SEL1L2: variants seen among roughly 807,000 people sequenced by gnomAD.
The protein encoded by SEL1L2 is protein sel-1 homolog 2.
In SEL1L2, 89 loss-of-function variants were observed where a neutral mutation model predicts 98.8. The observed-to-expected ratio is 0.90, with a 90% CI of 0.76 to 1.07. The LOEUF is 1.07. SEL1L2 is among the 50% of genes least tolerant of loss of function. The pLI is 0.00. For synonymous variants in SEL1L2, 262 were observed against 278.5 expected, an observed-to-expected ratio of 0.94 and a Z score of 0.59; for missense variants, 788 against 812.0, an observed-to-expected ratio of 0.97 and a Z score of 0.36.
intron 17 of SEL1L2, among the ~76,000 whole-genome samples, chr20:13,864,912 G>A (rs1021477425): frequency 6.6e-6 from 1 of 152,150 alleles, no homozygotes; most frequent in Non-Finnish European, 1.5e-5. Context: ...AACTGTTCTG[G>A]TGTCACGGAG....
chr20:13,907,559 A>G (rs920751427), intron 5 of SEL1L2, among the ~76,000 whole-genome samples: 1 of 152,168 alleles, frequency 6.6e-6, no homozygotes, highest in Non-Finnish European at 1.5e-5. Flanking sequence ...ATGGAGCAAG[A>G]TCCTATCTCA....
intron 3 of SEL1L2, among the ~76,000 whole-genome samples, chr20:13,926,228 T>C (rs566340408): frequency 6.6e-6 from 1 of 152,044 alleles, no homozygotes; most frequent in African/African-American, 2.4e-5. Flanking sequence ...GGCAGGAGAA[T>C]GGCGTGAACC....
intron 18 of SEL1L2, among the ~76,000 whole-genome samples, chr20:13,853,219 A>T (rs1304296164): frequency 6.6e-6 from 1 of 151,856 alleles, no homozygotes; most frequent in Non-Finnish European, 1.5e-5. Context: ...TTTTTTTGAA[A>T]ACAGGGTCTC....
Position 13,889,573 on chromosome 20 carries a change from C to T in SEL1L2, c.550-1061G>A, listed in dbSNP as rs533242451. ...TTGGGAGGCTGAGGTGGGTGGATCA[C>T]GAGGTCAGGAGATCGAGACCATCCT... On this transcript the variant is annotated intron_variant, in intron 5 of 19. Coordinates refer to ENST00000284951, the MANE Select transcript of SEL1L2 (RefSeq NM_025229.2). 9.8e-4 allele frequency among the ~76,000 whole-genome samples: 149 copies of T among 152,104 alleles called. No homozygotes were observed. In the Middle Eastern group the frequency reaches 0.014, roughly 14 times the overall value.
chr20:13,965,792 A>C (rs1244844824), intron 1 of SEL1L2, among the ~76,000 whole-genome samples: 1 of 151,984 alleles, frequency 6.6e-6, no homozygotes, highest in East Asian at 1.9e-4. Context: ...ATCTCTACTA[A>C]AAACACAAAA....
At chr20:13,916,720 C>T (rs1049169316) in intron 4 of SEL1L2, among the ~76,000 whole-genome samples, 10 of 152,072 alleles carry the variant, frequency 6.6e-5, no homozygotes, top group Admixed American at 2.0e-4. Flanking sequence ...GCAGGAGAAT[C>T]GCTTGAACTG....
At chr20:13,957,365 G>A (rs970333049) in intron 1 of SEL1L2, among the ~76,000 whole-genome samples, 1 of 152,186 alleles carries the variant, frequency 6.6e-6, no homozygotes, top group Non-Finnish European at 1.5e-5. Flanking sequence ...GCCTCCCAAA[G>A]TGCTGGGATT....
upstream of SEL1L2, chr20:13,990,757 G>T: frequency 1.9e-6 from 1 of 513,190 alleles, no homozygotes; most frequent in Non-Finnish European, 3.4e-6. Flanking sequence ...TATTCCTCTG[G>T]CTGAAGATAA....
chr20:13,859,036 C>G (rs1288561941), intron 18 of SEL1L2, among the ~76,000 whole-genome samples: 1 of 152,222 alleles, frequency 6.6e-6, no homozygotes, highest in Non-Finnish European at 1.5e-5. Context: ...ATCTCTTCTA[C>G]TCACCAGTTA....
chr20:13,888,388 G>T, intron 6 of SEL1L2, 71 bp downstream of exon 6: 1 of 986,014 alleles, frequency 1.0e-6, no homozygotes, highest in Non-Finnish European at 1.6e-6. Flanking sequence ...TTTACTTAAT[G>T]AGTAGATTTT....
At chr20:13,860,457 C>A (rs1274089164) in intron 17 of SEL1L2, among the ~76,000 whole-genome samples, 1 of 152,170 alleles carries the variant, frequency 6.6e-6, no homozygotes, top group Non-Finnish European at 1.5e-5. Context: ...TCTTACCCGA[C>A]GTCTGAGCAG....
At chr20:13,884,152 T>G (rs1006671980) in intron 10 of SEL1L2, among the ~76,000 whole-genome samples, 1 of 152,154 alleles carries the variant, frequency 6.6e-6, no homozygotes, top group Non-Finnish European at 1.5e-5. Flanking sequence ...TAACACAAAA[T>G]GAAATGCAAA....
chr20:13,927,795 T>A (rs1307409557), intron 3 of SEL1L2, among the ~76,000 whole-genome samples: 2 of 152,206 alleles, frequency 1.3e-5, no homozygotes, highest in African/African-American at 4.8e-5. Flanking sequence ...GTGTGACTCA[T>A]ATTCTTGTTT....
chr20:13,916,698 T>C (rs2048418264), intron 4 of SEL1L2, among the ~76,000 whole-genome samples: 1 of 151,880 alleles, frequency 6.6e-6, no homozygotes, highest in African/African-American at 2.4e-5. Context: ...CTCAGCTACT[T>C]GGGAAGCTGA....
intron 14 of SEL1L2, among the ~76,000 whole-genome samples, chr20:13,868,834 G>A (rs1316692530): frequency 2.6e-5 from 4 of 151,790 alleles, no homozygotes; most frequent in South Asian, 2.1e-4. Context: ...TCTCGAATTC[G>A]TGATCCGCCC....
rs1204459433 is a variant in SEL1L2 at position 13,886,421 on chromosome 20, C to A, written c.767G>T (p.Ser256Ile). The A allele has an allele frequency of 6.2e-7, 1 of 1,613,780 alleles. No individual in the cohort carries two copies. The highest frequency in any genetic ancestry group is 1.7e-5 in the Admixed American group (1 of 59,950). Residue 256 changes from serine to isoleucine, a missense_variant, in exon 9 of 20, where the codon AGT becomes ATT. By Grantham distance (142) the Ser-to-Ile change is moderately radical. Coordinates refer to ENST00000284951, the MANE Select transcript of SEL1L2 (RefSeq NM_025229.2). ...ADYIADTFEK[S>I]EGVPVEKVRL... ...CACTTTTTCCACTGGAACACCTTCACTTTTTTCAAATGTGTCAGCAACTGT... is the reference window on the plus strand; with the variant it reads ...CACTTTTTCCACTGGAACACCTTCAATTTTTTCAAATGTGTCAGCAACTGT...
chr20:13,902,731 T>C (rs2047738162), intron 5 of SEL1L2, among the ~76,000 whole-genome samples: 1 of 152,238 alleles, frequency 6.6e-6, no homozygotes, highest in Non-Finnish European at 1.5e-5. Flanking sequence ...TCTGGTTTTT[T>C]CTTTAAAAAC....
intron 17 of SEL1L2, among the ~76,000 whole-genome samples, chr20:13,862,282 C>CT (rs11482598): frequency 0.11 from 17,319 of 152,242 alleles, 1,072 homozygotes; most frequent in African/African-American, 0.16. Flanking sequence ...AGACTTCAGT[C>CT]TTTGAAGTCC....
At chr20:13,971,996 T>C (rs1452036702) in intron 1 of SEL1L2, among the ~76,000 whole-genome samples, 3 of 152,192 alleles carry the variant, frequency 2.0e-5, no homozygotes, top group African/African-American at 7.2e-5. Flanking sequence ...AATTACTGTA[T>C]ATTTATAATT....
Sources: allele counts gnomAD v4.1 joint callset (sites outside exome capture counted in the v4.1 genomes callset), GRCh38; gene constraint gnomAD v4.1.1; transcripts MANE v1.5; gene names NCBI Gene and HGNC (gene_info 2026-07-23, HGNC 2026-07-21).